RBM20: variants seen among roughly 807,000 people sequenced by gnomAD.
RBM20 encodes the protein RNA binding motif protein 20.
RBM20 carries 51 observed loss-of-function variants against 110.1 expected under a neutral mutation model. The observed-to-expected ratio is 0.46, with a 90% confidence interval of 0.37 to 0.59. RBM20 has a LOEUF of 0.59. Among genes scored for constraint, RBM20 ranks in the 20% least tolerant of loss-of-function variants. RBM20 has a pLI of 0.00. For synonymous variants in RBM20, 589 were observed against 618.2 expected, an observed-to-expected ratio of 0.95 and a Z score of 0.70; for missense variants, 1,512 against 1,574.9, an observed-to-expected ratio of 0.96 and a Z score of 0.68.
At chr10:110,801,744 G>GCCATATTGGCGAA (rs1363863653) in intron 7 of RBM20, among the ~76,000 whole-genome samples, 3 of 131,318 alleles carry the variant, frequency 2.3e-5, no homozygotes, top group Non-Finnish European at 4.7e-5. Context: ...ACAGGGTTTC[G>GCCATATTGGCGAA]CCATATTGGC....
intron 1 of RBM20, among the ~76,000 whole-genome samples, chr10:110,730,436 C>A (rs1843609010): frequency 6.6e-6 from 1 of 152,200 alleles, no homozygotes; most frequent in Admixed American, 6.5e-5. Flanking sequence ...CCCCCTTTCA[C>A]AGGTCCTCCA....
rs1415396366 is a variant in RBM20 at position 110,837,736 on chromosome 10, C to T, written c.*1758C>T. On this transcript the variant is annotated 3_prime_UTR_variant, in exon 14 of 14. Coordinates refer to ENST00000369519, the MANE Select transcript of RBM20 (RefSeq NM_001134363.3). ...AAGAACATAAAATGATCAGTGTAAA[C>T]CTGAAAGCACGCAGTCATTGGCAAG... The T allele has an allele frequency of 6.6e-6, 1 of 152,186 alleles. No homozygotes were observed. Among genetic ancestry groups the T allele is most frequent in the Non-Finnish European group, 1.5e-5 (1 of 68,058 alleles). 9.4% of individuals were successfully genotyped at this position (152,186 alleles called of 1,614,324 possible).
intron 7 of RBM20, among the ~76,000 whole-genome samples, chr10:110,808,296 G>A (rs577740367): frequency 8.5e-5 from 13 of 152,354 alleles, no homozygotes; most frequent in South Asian, 2.1e-4. Flanking sequence ...CTTCTTGGCC[G>A]ACACCAACAG....
At chr10:110,744,665 C>T (rs771057504) in intron 1 of RBM20, among the ~76,000 whole-genome samples, 5 of 152,168 alleles carry the variant, frequency 3.3e-5, no homozygotes, top group African/African-American at 7.2e-5. Flanking sequence ...GCAAACCATA[C>T]TTTAGAATGT....
At chr10:110,759,652 C>G (rs1264688534) in intron 1 of RBM20, among the ~76,000 whole-genome samples, 2 of 152,140 alleles carry the variant, frequency 1.3e-5, no homozygotes, top group Admixed American at 1.3e-4. Context: ...GTCCATCCAG[C>G]ATGGATGGAG....
intron 1 of RBM20, among the ~76,000 whole-genome samples, chr10:110,774,295 T>C (rs559539270): frequency 6.6e-6 from 1 of 152,304 alleles, no homozygotes; most frequent in African/African-American, 2.4e-5. Context: ...TATGAATCAT[T>C]CCAAGAGGTG....
At chr10:110,752,097 G>A (rs1460441528) in intron 1 of RBM20, among the ~76,000 whole-genome samples, 3 of 152,098 alleles carry the variant, frequency 2.0e-5, no homozygotes, top group Non-Finnish European at 2.9e-5. Flanking sequence ...AGTGGTGTAC[G>A]TTCTGTGGGT....
intron 1 of RBM20, among the ~76,000 whole-genome samples, chr10:110,685,026 T>C (rs979852020): frequency 1.3e-5 from 2 of 152,218 alleles, no homozygotes; most frequent in Non-Finnish European, 2.9e-5. Context: ...GAGAGCGATC[T>C]GCCTGAATTG....
At position 110,812,275 on chromosome 10, in the gene RBM20, C is replaced by T. The variant is rs138436392; in HGVS notation, c.1881-3C>T. 9.8e-4 allele frequency: 1,506 copies of T among 1,537,790 alleles called. 17 individuals carry two copies. In the African/African-American group the frequency reaches 0.019, roughly 19 times the overall value. ...TAAATCCTGCTCCTTGGCTCCCTCA[C>T]AGATATGGCCCAGAAAGGCCGCGGT... is the stretch of plus-strand genomic sequence containing the variant. On this transcript the variant is annotated splice_region_variant and splice_polypyrimidine_tract_variant and intron_variant, in intron 8 of 13. Transcript: ENST00000369519.
At chr10:110,791,772 G>C (rs1195604883) in intron 5 of RBM20, among the ~76,000 whole-genome samples, 1 of 152,144 alleles carries the variant, frequency 6.6e-6, no homozygotes, top group African/African-American at 2.4e-5. Context: ...TTGCAGGCAG[G>C]CTAAAGCCTC....
At chr10:110,736,311 C>T (rs926862089) in intron 1 of RBM20, among the ~76,000 whole-genome samples, 1 of 152,208 alleles carries the variant, frequency 6.6e-6, no homozygotes, top group Admixed American at 6.5e-5. Context: ...ACCCAGTTTG[C>T]ACTGAATTCC....
intron 8 of RBM20, 136 bp downstream of exon 8, chr10:110,810,598 C>T (rs1476160320): frequency 3.4e-6 from 2 of 586,444 alleles, no homozygotes; most frequent in Non-Finnish European, 6.1e-6. Context: ...TTTCTGGGTC[C>T]CACTTTTCCA....
chr10:110,835,775 G>A (rs987010363), intron 13 of RBM20, 93 bp from the exon 14 acceptor site: 3 of 1,298,932 alleles, frequency 2.3e-6, no homozygotes, highest in African/African-American at 3.0e-5. Context: ...CAGATGCCAG[G>A]AGAGGGATGA....
chr10:110,819,077 A>G (rs774586967), intron 9 of RBM20, among the ~76,000 whole-genome samples: 1 of 152,244 alleles, frequency 6.6e-6, no homozygotes, highest in African/African-American at 2.4e-5. Flanking sequence ...GTAAGAAATC[A>G]GAACTAGAGT....
chr10:110,803,637 T>C (rs1844658424), intron 7 of RBM20, among the ~76,000 whole-genome samples: 1 of 152,038 alleles, frequency 6.6e-6, no homozygotes, highest in Non-Finnish European at 1.5e-5. Context: ...CAAGCTGCCA[T>C]ATTCCCTCTT....
At chr10:110,711,687 C>G (rs1012577039) in intron 1 of RBM20, among the ~76,000 whole-genome samples, 2 of 152,176 alleles carry the variant, frequency 1.3e-5, no homozygotes, top group South Asian at 4.1e-4. Flanking sequence ...CTGAGACTGC[C>G]GCATAAGCCA....
chr10:110,834,017 G>C (rs1487822086), intron 13 of RBM20, among the ~76,000 whole-genome samples: 1 of 152,192 alleles, frequency 6.6e-6, no homozygotes, highest in Non-Finnish European at 1.5e-5. Flanking sequence ...GCTCCTAAAG[G>C]CAGGGAGCAG....
chr10:110,823,853 G>A (rs1446564259), intron 12 of RBM20, among the ~76,000 whole-genome samples: 1 of 151,650 alleles, frequency 6.6e-6, no homozygotes, highest in African/African-American at 2.4e-5. Context: ...GAGAAACTTG[G>A]ACAACAGGTA....
At chr10:110,669,932 A>G (rs1862234518) in intron 1 of RBM20, among the ~76,000 whole-genome samples, 1 of 152,258 alleles carries the variant, frequency 6.6e-6, no homozygotes, top group Non-Finnish European at 1.5e-5. Flanking sequence ...TTGCTGAATT[A>G]AAAATAATAT....
Sources: gnomAD v4.1 joint callset for allele counts (sites outside exome capture counted in the v4.1 genomes callset) on GRCh38, gnomAD v4.1.1 for gene constraint, MANE v1.5 for transcripts, NCBI Gene and HGNC (gene_info 2026-07-23, HGNC 2026-07-21) for gene names.